The following FNBP4 variants were observed in gnomAD, a reference collection of about 807,000 sequenced individuals.
FNBP4 encodes the protein formin binding protein 4.
In FNBP4, 34 loss-of-function variants were observed where a neutral mutation model predicts 119.3. The observed-to-expected ratio is 0.28, with a 90% CI of 0.22 to 0.38. FNBP4 has a LOEUF of 0.38. Among genes scored for constraint, FNBP4 ranks in the 10% least tolerant of loss-of-function variants. The pLI is 1.00. For missense variants in FNBP4, 1,112 were observed against 1,228.9 expected (o/e 0.90, Z 1.42); for synonymous variants, 462 against 430.6 (o/e 1.07, Z -0.90).
chr11:47,763,065 C>A (rs1410559022), intron 2 of FNBP4, among the ~76,000 whole-genome samples: 1 of 150,732 alleles, frequency 6.6e-6, no homozygotes, highest in Admixed American at 6.6e-5. Flanking sequence ...CTGGGCTGGG[C>A]ACAGTGGCTC....
In FNBP4 at chr11:47,733,962, A is replaced by ATTTTAATCTTG; in HGVS notation, c.1686+62_1686+63insCAAGATTAAAA. On this transcript the variant is annotated intron_variant, in intron 10 of 16. Transcript: ENST00000263773. ...ATGTAAGCAAGACAGAATCGTTAAC[A>ATTTTAATCTTG]CATACAGCATTTCATTCAAACACTT... 3.9e-6 allele frequency: 3 copies of ATTTTAATCTTG among 761,066 alleles called. No individual in the cohort carries two copies. In the East Asian group the frequency reaches 8.2e-5, roughly 21 times the overall value. 47.1% of individuals were successfully genotyped at this position (761,066 alleles called of 1,614,324 possible).
intron 8 of FNBP4, 73 bp from the exon 9 acceptor site, chr11:47,736,813 GCAGATA>G: frequency 7.9e-7 from 1 of 1,263,822 alleles, no homozygotes; most frequent in Non-Finnish European, 1.1e-6. Context: ...TTCCCCCATA[GCAGATA>G]TCTGCAAAAG....
intron 8 of FNBP4, among the ~76,000 whole-genome samples, chr11:47,740,696 T>C (rs1247706843): frequency 2.0e-5 from 3 of 151,276 alleles, no homozygotes; most frequent in Non-Finnish European, 4.4e-5. Flanking sequence ...TGGGTTCAGG[T>C]GATTTCCTGC....
At position 47,732,343 on chromosome 11, in the gene FNBP4, C is replaced by T; in HGVS notation, c.1820+194G>A. 5.4e-6 allele frequency: 8 copies of T among 1,479,850 alleles called. No individual in the cohort carries two copies. The highest frequency in any genetic ancestry group is 7.1e-6 in the Non-Finnish European group (8 of 1,119,838). The allele number at this position is 1,479,850 out of a possible 1,614,324, so 91.7% of individuals were successfully genotyped here. ...GGGAAAAAATCCGTTACATGGAACA[C>T]TTTAAACATTGCTTTTGTTTCTCCA... is the stretch of plus-strand genomic sequence containing the variant. On this transcript the variant is annotated intron_variant, in intron 11 of 16. Transcript: ENST00000263773. This position sits in a 1 kb window ranked among gnomAD's most constrained non-coding sequence, Gnocchi z 4.2.
chr11:47,746,018 A>C (rs774108888), intron 7 of FNBP4, 38 bp downstream of exon 7: 12 of 1,520,812 alleles, frequency 7.9e-6, no homozygotes. Context: ...AGTAGTACTG[A>C]GGAAAAAACA....
intron 2 of FNBP4, among the ~76,000 whole-genome samples, chr11:47,759,580 C>T (rs1360293455): frequency 6.6e-6 from 1 of 152,136 alleles, no homozygotes; most frequent in East Asian, 1.9e-4. Context: ...AAAGGAGAAA[C>T]TTCTGTATGA....
chr11:47,724,468 C>G lies in FNBP4; in HGVS notation c.2319G>C (p.Gln773His), dbSNP rs1181924753. ...CAGAATGCCAAAGGGAATTACTTAC[C>G]TGGCTAGTTACAACTGTGGTTTGTG... Reference protein sequence around the residue: ...PSAQTTVVTSQSSVDSTISSS... With the variant: ...PSAQTTVVTSHSSVDSTISSS... The change falls in exon 13 of 17, where the codon CAG becomes CAC. Residue 773 changes from glutamine (Q) to histidine (H), a missense_variant and splice_region_variant. Transcript: ENST00000263773. The G allele has an allele frequency of 6.2e-7, 1 of 1,614,206 alleles. No homozygotes were observed. Among genetic ancestry groups the G allele is most frequent in the East Asian group, 2.2e-5 (1 of 44,882 alleles).
chr11:47,753,077 TGAG>T lies in FNBP4; in HGVS notation c.473_475del (p.Pro158del). On this transcript the variant is annotated inframe_deletion, in exon 4 of 17. Transcript: ENST00000263773. ...AGAAGCTCCTACAGGAGCTGCAGGC[TGAG>T]GAGCTGTTATGGCATCGATCTCCTT... is the stretch of plus-strand genomic sequence containing the variant. 1 of 1,613,230 alleles carries T rather than the reference TGAG, an allele frequency of 6.2e-7. No homozygotes were observed. The highest frequency in any genetic ancestry group is 8.5e-7 in the Non-Finnish European group (1 of 1,179,756).
At chr11:47,725,009 T>C in intron 12 of FNBP4, 1 of 399,842 alleles carries the variant, frequency 2.5e-6, no homozygotes, top group Non-Finnish European at 4.4e-6. Flanking sequence ...AACAACTCAG[T>C]TCAGAAATGA....
chr11:47,762,906 CAAAAAAA>C (rs56659957), intron 2 of FNBP4, among the ~76,000 whole-genome samples: 8 of 100,640 alleles, frequency 7.9e-5, no homozygotes, highest in Non-Finnish European at 1.6e-4. Flanking sequence ...ACTCTGATTC[CAAAAAAA>C]AAAAAAAAAA....
At position 47,762,139 on chromosome 11, in the gene FNBP4, T is replaced by TC. The variant is rs2097636516; in HGVS notation, c.313+3130_313+3131insG. On this transcript the variant is annotated intron_variant, in intron 2 of 16. Coordinates refer to ENST00000263773, the MANE Select transcript of FNBP4 (RefSeq NM_015308.5). ...AGGCGTGAGGCACAGCGTCTGGCTG[T>TC]TTTTTTTTTTTGAGATGGAGTCTTA... 6.1e-5 allele frequency among the ~76,000 whole-genome samples: 4 copies of TC among 65,488 alleles called. No homozygotes were observed. The South Asian group carries it at 1.8e-3, about 30-fold the overall frequency. The allele number at this position is 65,488 out of a possible 152,430, so 43.0% of individuals were successfully genotyped here.
In FNBP4 at chr11:47,754,556, A is replaced by T; in HGVS notation, c.422T>A (p.Ile141Asn). The change falls in exon 3 of 17, where the codon ATT becomes AAT. Residue 141 changes from isoleucine to asparagine, a missense_variant. Transcript: ENST00000263773. ...KETNGNQSTD[I>N]DSTLANFLAE... ...TAGGAAGTTGGCCAATGTACTATCA[A>T]TATCAGTTGACTGGTTTCCATTTGT... The T allele has an allele frequency of 6.2e-7, 1 of 1,614,112 alleles. No homozygotes were observed. The highest frequency in any genetic ancestry group is 8.5e-7 in the Non-Finnish European group (1 of 1,180,022).
At chr11:47,765,036 G>GA (rs373153886) in intron 2 of FNBP4, among the ~76,000 whole-genome samples, 30 of 148,910 alleles carry the variant, frequency 2.0e-4, no homozygotes, top group Non-Finnish European at 3.0e-4. Context: ...ATAGCATCAG[G>GA]AAAAAAAAAC....
At chr11:47,761,596 CAA>C (rs67275133) in intron 2 of FNBP4, among the ~76,000 whole-genome samples, 20 of 147,040 alleles carry the variant, frequency 1.4e-4, no homozygotes, top group East Asian at 2.0e-4. Flanking sequence ...CATCTCAAAG[CAA>C]AAAAAAAAAG....
chr11:47,740,072 T>C (rs749378299), intron 8 of FNBP4, among the ~76,000 whole-genome samples: 1 of 151,940 alleles, frequency 6.6e-6, no homozygotes, highest in African/African-American at 2.4e-5. Flanking sequence ...AGTGCTTGGA[T>C]TATAGGCGTG....
chr11:47,734,211 A>T, intron 9 of FNBP4, 82 bp from the exon 10 acceptor site: 1 of 722,220 alleles, frequency 1.4e-6, no homozygotes, highest in Non-Finnish European at 2.2e-6. Flanking sequence ...TTATTCTTAT[A>T]GATATTAGAA....
chr11:47,720,276 T>C (rs371456214), intron 15 of FNBP4, among the ~76,000 whole-genome samples, 190 bp from the exon 16 acceptor site: 17 of 152,086 alleles, frequency 1.1e-4, no homozygotes, highest in African/African-American at 4.1e-4. Context: ...TGGTTAAAAA[T>C]CTATAAAGCA....
In FNBP4 at chr11:47,724,109, C is replaced by T. The variant is rs2097558535; in HGVS notation, c.2383G>A (p.Glu795Lys). The change falls in exon 14 of 17, where the codon GAA (glutamate) becomes AAA (lysine). Residue 795 changes from glutamate (E) to lysine (K), a missense_variant. Glu to Lys is a moderately conservative substitution (Grantham distance 56, BLOSUM62 1). Around this residue, in one of 2 missense-constraint regions of FNBP4, gnomAD observed 826 missense variants for 988.8 expected, o/e 0.84. Transcript: ENST00000263773. Reference protein sequence around the residue: ...STKGIKRKATEISTAVVQRSA... With the variant: ...STKGIKRKATKISTAVVQRSA... ...CTCTGAACCACTGCAGTGCTAATTTCTGTAGCTTTCCTCTTTATTCCTTTA... is the reference window on the plus strand; with the variant it reads ...CTCTGAACCACTGCAGTGCTAATTTTTGTAGCTTTCCTCTTTATTCCTTTA... 6.2e-7 allele frequency: 1 copy of T among 1,614,116 alleles called. No individual in the cohort carries two copies. Among genetic ancestry groups the T allele is most frequent in the South Asian group, 1.1e-5 (1 of 91,090 alleles).
At chr11:47,745,554 G>A (rs2097588698) in intron 7 of FNBP4, among the ~76,000 whole-genome samples, 1 of 152,044 alleles carries the variant, frequency 6.6e-6, no homozygotes, top group African/African-American at 2.4e-5. Flanking sequence ...GTTTTCTGTT[G>A]TTTAAGATGT....
Sources: gnomAD v4.1 joint callset for allele counts (sites outside exome capture counted in the v4.1 genomes callset) on GRCh38, gnomAD v4.1.1 for gene constraint, gnomAD v4.1.1 regional missense constraint, Gnocchi (gnomAD v3.1) non-coding constraint, MANE v1.5 for transcripts, NCBI Gene and HGNC (gene_info 2026-07-23, HGNC 2026-07-21) for gene names.